Variants in FHIT observed in about 807,000 individuals in gnomAD.
FHIT encodes bis(5'-adenosyl)-triphosphatase.
FHIT carries 19 observed loss-of-function variants against 17.9 expected under a neutral mutation model. That is an observed-to-expected ratio of 1.06 (90% CI 0.74 to 1.56). The LOEUF is 1.56. Ranked by LOEUF, FHIT falls within the 40% of genes most tolerant of loss-of-function variation. FHIT has a pLI of 0.00. For missense variants in FHIT, 248 were observed against 189.2 expected, an observed-to-expected ratio of 1.31 and a Z score of -1.82; for synonymous variants, 81 against 69.7, an observed-to-expected ratio of 1.16 and a Z score of -0.81.
intron 5 of FHIT, among the ~76,000 whole-genome samples, chr3:60,145,165 T>G (rs915071899): frequency 6.6e-6 from 1 of 151,842 alleles, no homozygotes; most frequent in Non-Finnish European, 1.5e-5. Flanking sequence ...TTTTTTTTTG[T>G]CCTTTGAATT....
At chr3:60,313,930 G>A (rs942285685) in intron 5 of FHIT, among the ~76,000 whole-genome samples, 3 of 152,210 alleles carry the variant, frequency 2.0e-5, no homozygotes, top group Non-Finnish European at 4.4e-5. Flanking sequence ...AGGCAAGGGT[G>A]CAATAATTAT....
chr3:60,147,523 G>C (rs1463177411), intron 5 of FHIT, among the ~76,000 whole-genome samples: 1 of 152,146 alleles, frequency 6.6e-6, no homozygotes, highest in African/African-American at 2.4e-5. Context: ...AGTTCAACAT[G>C]CGACAGGTAG....
At chr3:60,220,500 A>C (rs1451135246) in intron 5 of FHIT, among the ~76,000 whole-genome samples, 1 of 152,190 alleles carries the variant, frequency 6.6e-6, no homozygotes, top group Non-Finnish European at 1.5e-5. Flanking sequence ...CTATGTTTCA[A>C]CTTTTATTTT....
intron 5 of FHIT, among the ~76,000 whole-genome samples, chr3:60,300,580 T>A (rs1484418036): frequency 6.6e-6 from 1 of 152,074 alleles, no homozygotes; most frequent in Non-Finnish European, 1.5e-5. Flanking sequence ...TGTGGTCGTA[T>A]AAGATGAGAT....
chr3:61,170,759 T>C (rs1362091448), intron 2 of FHIT, among the ~76,000 whole-genome samples: 2 of 152,222 alleles, frequency 1.3e-5, no homozygotes, highest in Admixed American at 6.5e-5. Flanking sequence ...ACCTTTTCTT[T>C]ACCCAGTCTA....
chr3:60,504,120 C>G (rs927512489), intron 5 of FHIT, among the ~76,000 whole-genome samples: 2 of 152,114 alleles, frequency 1.3e-5, no homozygotes, highest in South Asian at 4.2e-4. Flanking sequence ...ATATTGATAG[C>G]CACCAATGTC....
intron 7 of FHIT, among the ~76,000 whole-genome samples, chr3:59,952,322 T>G (rs149130662): frequency 7.9e-5 from 12 of 152,262 alleles, no homozygotes; most frequent in African/African-American, 2.9e-4. Flanking sequence ...AAAACATAGG[T>G]GGCCATTGCA....
chr3:61,213,910 G>T (rs1357652058), intron 1 of FHIT, among the ~76,000 whole-genome samples: 2 of 151,930 alleles, frequency 1.3e-5, no homozygotes, highest in Non-Finnish European at 2.9e-5. Flanking sequence ...ATGACTACTG[G>T]GTACATAACG....
At chr3:59,833,073 C>A (rs189407453) in intron 8 of FHIT, among the ~76,000 whole-genome samples, 121 of 152,224 alleles carry the variant, frequency 7.9e-4, no homozygotes, top group Middle Eastern at 3.4e-3. Context: ...TATCTGAGCA[C>A]AAGCATATAT....
intron 8 of FHIT, among the ~76,000 whole-genome samples, chr3:59,752,874 TTATAAA>T (rs1255664522): frequency 4.6e-5 from 7 of 152,134 alleles, no homozygotes. Context: ...CTGCTGTTCC[TTATAAA>T]TTACCCAGCC....
intron 4 of FHIT, among the ~76,000 whole-genome samples, chr3:60,700,569 C>A (rs2041223103): frequency 6.6e-6 from 1 of 151,974 alleles, no homozygotes; most frequent in Non-Finnish European, 1.5e-5. Context: ...ACTAAAAATG[C>A]AGCCATCTTT....
intron 5 of FHIT, among the ~76,000 whole-genome samples, chr3:60,343,749 C>T (rs1247639914): frequency 6.6e-6 from 1 of 152,002 alleles, no homozygotes; most frequent in Non-Finnish European, 1.5e-5. Flanking sequence ...GTGGATACAT[C>T]TGTCCACAAC....
intron 3 of FHIT, among the ~76,000 whole-genome samples, chr3:60,841,805 T>A (rs936415524): frequency 6.6e-6 from 1 of 152,172 alleles, no homozygotes; most frequent in East Asian, 1.9e-4. Context: ...TTCCTCAATT[T>A]AAAAAAATAT....
chr3:60,080,272 G>A (rs921117846), intron 5 of FHIT, among the ~76,000 whole-genome samples: 2 of 152,054 alleles, frequency 1.3e-5, no homozygotes, highest in Non-Finnish European at 2.9e-5. Flanking sequence ...CAATGCTTGC[G>A]ATTCAGGGTT....
At chr3:61,195,000 G>A (rs2038815044) in intron 2 of FHIT, among the ~76,000 whole-genome samples, 1 of 146,896 alleles carries the variant, frequency 6.8e-6, no homozygotes, top group South Asian at 2.3e-4. Context: ...GGGGCGAGGG[G>A]GGTGGTTAGT....
At chr3:60,871,226 G>A (rs921132016) in intron 3 of FHIT, among the ~76,000 whole-genome samples, 11 of 151,990 alleles carry the variant, frequency 7.2e-5, no homozygotes, top group Non-Finnish European at 1.3e-4. Flanking sequence ...ATTAGAACCC[G>A]TTTTGCATAT....
intron 7 of FHIT, among the ~76,000 whole-genome samples, chr3:59,995,745 G>A (rs571219362): frequency 1.3e-5 from 2 of 152,094 alleles, no homozygotes; most frequent in African/African-American, 4.8e-5. Flanking sequence ...ACACAGCACC[G>A]GGTATACCTC....
chr3:60,623,166 G>C (rs1323061516), intron 4 of FHIT, among the ~76,000 whole-genome samples: 1 of 152,214 alleles, frequency 6.6e-6, no homozygotes, highest in Non-Finnish European at 1.5e-5. Context: ...TGTTACATGA[G>C]CAAGAAATAA....
intron 7 of FHIT, among the ~76,000 whole-genome samples, chr3:60,007,023 C>A (rs1039991447): frequency 6.6e-6 from 1 of 152,080 alleles, no homozygotes; most frequent in Non-Finnish European, 1.5e-5. Context: ...TGCGTTAATA[C>A]TATAAAATTA....
Sources: allele counts gnomAD v4.1 joint callset (sites outside exome capture counted in the v4.1 genomes callset), GRCh38; gene constraint gnomAD v4.1.1; transcripts MANE v1.5; gene names NCBI Gene and HGNC (gene_info 2026-07-23, HGNC 2026-07-21).